The following DCP2 variants were observed in gnomAD, a reference collection of about 807,000 sequenced individuals.
DCP2 encodes the protein decapping mRNA 2.
DCP2 carries 30 observed loss-of-function variants against 56.1 expected under a neutral mutation model. The ratio of observed to expected loss-of-function variants is 0.53; its 90% CI spans 0.40 to 0.73. The LOEUF is 0.73. Ranked by LOEUF, DCP2 falls within the 30% of genes least tolerant of loss-of-function variation. DCP2 has a pLI of 0.00. For missense variants in DCP2, 533 were observed against 502.7 expected, an observed-to-expected ratio of 1.06 and a Z score of -0.58; for synonymous variants, 197 against 163.3, an observed-to-expected ratio of 1.21 and a Z score of -1.57.
At chr5:112,999,597 G>T (rs977215967) in intron 4 of DCP2, among the ~76,000 whole-genome samples, 1 of 151,312 alleles carries the variant, frequency 6.6e-6, no homozygotes, top group African/African-American at 2.4e-5. Flanking sequence ...TTAGTGCTGG[G>T]ATTACAGGCG....
At chr5:112,984,039 G>C (rs993151165) in intron 1 of DCP2, 2 of 152,164 alleles carry the variant, frequency 1.3e-5, no homozygotes, top group African/African-American at 4.8e-5. Flanking sequence ...AAAAAGACAA[G>C]ACACATGACC....
chr5:112,979,472 T>A (rs1026775391), intron 1 of DCP2, among the ~76,000 whole-genome samples: 4 of 152,212 alleles, frequency 2.6e-5, no homozygotes, highest in Admixed American at 2.0e-4. Context: ...TGAACTTCTT[T>A]GCTCTCTTTT....
chr5:113,010,815 A>T lies in DCP2; in HGVS notation c.1099+8A>T, dbSNP rs767590721. 3 of 1,599,166 alleles carry T rather than the reference A, an allele frequency of 1.9e-6. No individual in the cohort carries two copies. Among genetic ancestry groups the T allele is most frequent in the Non-Finnish European group, 1.7e-6 (2 of 1,176,062 alleles). On this transcript the variant is annotated splice_region_variant and intron_variant, in intron 10 of 10. Transcript: ENST00000389063. Reference sequence around the variant, plus strand: ...AGGATAATTTTGAAACAGGCAAGTCATTTCCTATCTTTTTATAATCTCTGC... The same window carrying T: ...AGGATAATTTTGAAACAGGCAAGTCTTTTCCTATCTTTTTATAATCTCTGC...
chr5:113,010,147 C>G (rs1580835702), intron 9 of DCP2, among the ~76,000 whole-genome samples: 6 of 151,234 alleles, frequency 4.0e-5, no homozygotes, highest in African/African-American at 1.2e-4. Flanking sequence ...GTCCTCCCAT[C>G]TCAGCCTCCA....
In DCP2 at chr5:112,990,552, T is replaced by C. The variant is rs189537501; in HGVS notation, c.206-1569T>C. Among the ~76,000 whole-genome samples the C allele has an allele frequency of 3.5e-4, 53 of 152,218 alleles. No individual in the cohort carries two copies. In the East Asian group the frequency reaches 9.9e-3, roughly 28 times the overall value. ...TGTATCCAAGCTTTCATCTTTTTTT[T>C]CCCCTCCCCAAATGAAGGCATGCAC... On this transcript the variant is annotated intron_variant, in intron 2 of 10. Transcript: ENST00000389063.
At chr5:112,991,398 T>C (rs1353183873) in intron 2 of DCP2, among the ~76,000 whole-genome samples, 1 of 152,190 alleles carries the variant, frequency 6.6e-6, no homozygotes, top group Non-Finnish European at 1.5e-5. Context: ...AGGGTTTGGA[T>C]TTTACTTACT....
At chr5:112,987,948 G>A (rs966094707) in intron 2 of DCP2, among the ~76,000 whole-genome samples, 6 of 152,070 alleles carry the variant, frequency 3.9e-5, no homozygotes, top group African/African-American at 7.2e-5. Flanking sequence ...TGACCATGAC[G>A]TGTATGTTTA....
intron 1 of DCP2, among the ~76,000 whole-genome samples, chr5:112,979,755 G>A (rs1015513742): frequency 1.3e-5 from 2 of 152,124 alleles, no homozygotes; most frequent in Non-Finnish European, 2.9e-5. Context: ...GGAATATTGT[G>A]CAGCCATTCT....
In DCP2 at chr5:113,022,062, G is replaced by T. The variant is rs917675310; in HGVS notation, c.*8578G>T. ...CCTGCATGTATATCACAGTTCTACAGAAGGATAGCCTTACCCTTTAAATAA... is the reference window on the plus strand; with the variant it reads ...CCTGCATGTATATCACAGTTCTACATAAGGATAGCCTTACCCTTTAAATAA... On this transcript the variant is annotated 3_prime_UTR_variant, in exon 11 of 11. Coordinates refer to ENST00000389063, the MANE Select transcript of DCP2 (RefSeq NM_152624.6). 6.6e-6 allele frequency: 1 copy of T among 152,214 alleles called. No homozygotes were observed. The highest frequency in any genetic ancestry group is 2.4e-5 in the African/African-American group (1 of 41,446). The allele number at this position is 152,214 out of a possible 1,614,324, so 9.4% of individuals were successfully genotyped here.
chr5:112,985,092 C>G (rs916160648), intron 1 of DCP2, among the ~76,000 whole-genome samples: 4 of 152,004 alleles, frequency 2.6e-5, no homozygotes, highest in Non-Finnish European at 5.9e-5. Context: ...ACCAAAAATG[C>G]TTAACATTGG....
chr5:112,984,740 C>T (rs530405604), intron 1 of DCP2: 143 of 110,704 alleles, frequency 1.3e-3, no homozygotes, highest in African/African-American at 5.1e-3. Context: ...GACAGTGTCT[C>T]GTCACCCAGG....
At position 113,015,696 on chromosome 5, in the gene DCP2, A is replaced by G. The variant is rs1162305814; in HGVS notation, c.*2212A>G. 2 of 152,652 alleles carry G rather than the reference A, an allele frequency of 1.3e-5. No homozygotes were observed. Among genetic ancestry groups the G allele is most frequent in the Non-Finnish European group, 1.5e-5 (1 of 68,038 alleles). 9.5% of individuals were successfully genotyped at this position (152,652 alleles called of 1,614,324 possible). A position where few individuals can be genotyped will look rare whatever the true frequency, so the allele number is the denominator to read the frequency against. ...TGTTAAAAGATGTGAGTTAAAGTTT[A>G]TGTGTGTGATGTGACTTAACTATGC... On this transcript the variant is annotated 3_prime_UTR_variant, in exon 11 of 11. Transcript: ENST00000389063.
Position 113,017,830 on chromosome 5 carries a change from ATAT to A in DCP2, c.*4347_*4349del, listed in dbSNP as rs1749954744. The A allele has an allele frequency of 6.6e-6, 1 of 152,042 alleles. No homozygotes were observed. Among genetic ancestry groups the A allele is most frequent in the Non-Finnish European group, 1.5e-5 (1 of 67,970 alleles). 9.4% of individuals were successfully genotyped at this position (152,042 alleles called of 1,614,324 possible). On this transcript the variant is annotated 3_prime_UTR_variant, in exon 11 of 11. Coordinates refer to ENST00000389063, the MANE Select transcript of DCP2 (RefSeq NM_152624.6). ...GTCATTCATATATATATGAATATCT[ATAT>A]CTATATCTATACATATATATGTATC...
rs1224003878 is a variant in DCP2 at position 113,016,563 on chromosome 5, G to A, written c.*3079G>A. 2 of 152,150 alleles carry A rather than the reference G, an allele frequency of 1.3e-5. No individual in the cohort carries two copies. The highest frequency in any genetic ancestry group is 2.9e-5 in the Non-Finnish European group (2 of 68,016). The allele number at this position is 152,150 out of a possible 1,614,324, so 9.4% of individuals were successfully genotyped here. A position where few individuals can be genotyped will look rare whatever the true frequency, so the allele number is the denominator to read the frequency against. ...TTCCTTATTAAGGCTTTAGTAATTT[G>A]TATGTAATGTCAAATAAAAGGAATT... is the stretch of plus-strand genomic sequence containing the variant. On this transcript the variant is annotated 3_prime_UTR_variant, in exon 11 of 11. Coordinates refer to ENST00000389063, the MANE Select transcript of DCP2 (RefSeq NM_152624.6).
At chr5:112,990,459 A>G (rs1308697173) in intron 2 of DCP2, among the ~76,000 whole-genome samples, 2 of 152,232 alleles carry the variant, frequency 1.3e-5, no homozygotes, top group African/African-American at 4.8e-5. Context: ...TAAAGCCAGA[A>G]TTTTAATACC....
chr5:112,994,163 C>CTTTTTTTTTTTTTTT (rs771514208), intron 4 of DCP2, among the ~76,000 whole-genome samples: 2 of 75,176 alleles, frequency 2.7e-5, no homozygotes, highest in African/African-American at 1.0e-4. Context: ...TTTTTTCTTT[C>CTTTTTTTTTTTTTTT]TTTTTTTTTT....
At chr5:113,003,024 A>C (rs1007343965) in intron 7 of DCP2, among the ~76,000 whole-genome samples, 9 of 152,236 alleles carry the variant, frequency 5.9e-5, no homozygotes, top group Non-Finnish European at 7.3e-5. Context: ...TCAGAAATTA[A>C]ATAGGAGTAA....
Position 112,992,781 on chromosome 5 carries a change from C to G in DCP2, c.432+11C>G. Reference sequence around the variant, plus strand: ...TGTGCTGCTAGAGAGGTAAGTTATTCCATTTTGATACACAGTAAATTTGGC... The same window carrying G: ...TGTGCTGCTAGAGAGGTAAGTTATTGCATTTTGATACACAGTAAATTTGGC... On this transcript the variant is annotated intron_variant, in intron 4 of 10. Transcript: ENST00000389063. The G allele has an allele frequency of 6.4e-7, 1 of 1,553,264 alleles. No homozygotes were observed. The highest frequency in any genetic ancestry group is 8.6e-7 in the Non-Finnish European group (1 of 1,160,928).
intron 7 of DCP2, among the ~76,000 whole-genome samples, chr5:113,002,609 C>T (rs963000135): frequency 2.6e-5 from 4 of 152,078 alleles, no homozygotes; most frequent in East Asian, 1.9e-4. Flanking sequence ...CAGCCTTGAC[C>T]TCCTGGACTC....
Sources: gnomAD v4.1 joint callset for allele counts (sites outside exome capture counted in the v4.1 genomes callset) on GRCh38, gnomAD v4.1.1 for gene constraint, MANE v1.5 for transcripts, NCBI Gene and HGNC (gene_info 2026-07-23, HGNC 2026-07-21) for gene names.